Variants in OTULIN observed in about 807,000 individuals in gnomAD.
OTULIN encodes the protein ubiquitin thioesterase otulin.
In OTULIN, 15 loss-of-function variants were observed where a neutral mutation model predicts 39.6. The observed-to-expected ratio is 0.38, with a 90% confidence interval of 0.25 to 0.58. The LOEUF (loss-of-function observed/expected upper bound fraction) is 0.58, where lower values mean the gene tolerates loss of function less well. OTULIN is among the 20% of genes least tolerant of loss of function. OTULIN has a pLI of 0.66. For missense variants in OTULIN, 319 were observed against 445.9 expected, an observed-to-expected ratio of 0.72 and a Z score of 2.56; for synonymous variants, 156 against 170.3, an observed-to-expected ratio of 0.92 and a Z score of 0.65.
intron 2 of OTULIN, among the ~76,000 whole-genome samples, chr5:14,675,472 TGAAACTTGAA>T (rs1183665374): frequency 6.6e-6 from 1 of 152,240 alleles, no homozygotes; most frequent in Admixed American, 6.5e-5. Flanking sequence ...CAGTCTTCCA[TGAAACTTGAA>T]GAATGCTCTG....
At chr5:14,665,071 C>CT in intron 1 of OTULIN, 94 bp downstream of exon 1, 8 of 793,686 alleles carry the variant, frequency 1.0e-5, no homozygotes, top group Non-Finnish European at 1.1e-5. Flanking sequence ...AGCGGAGGGT[C>CT]CTGGGCGTCT....
the OTULIN span, among the ~76,000 whole-genome samples, chr5:14,711,905 A>T: frequency 1.3e-5 from 2 of 152,138 alleles, no homozygotes; most frequent in Non-Finnish European, 2.9e-5. Context: ...GCCATTATCG[A>T]CACACCAACA....
At chr5:14,716,075 C>T in the OTULIN span, among the ~76,000 whole-genome samples, 1 of 152,226 alleles carries the variant, frequency 6.6e-6, no homozygotes, top group Non-Finnish European at 1.5e-5. Flanking sequence ...TTGAGAATTT[C>T]AGTACATGAA....
At chr5:14,689,920 G>A in intron 5 of OTULIN, 119 bp from the exon 6 acceptor site, 4 of 996,998 alleles carry the variant, frequency 4.0e-6, no homozygotes, top group Non-Finnish European at 4.5e-6. Flanking sequence ...TGAATGTTGT[G>A]AGCATTGGTA....
downstream of OTULIN, among the ~76,000 whole-genome samples, chr5:14,704,500 A>G (rs371073476): frequency 5.9e-5 from 9 of 152,308 alleles, no homozygotes; most frequent in East Asian, 1.5e-3. Flanking sequence ...GAAGGTGTAT[A>G]GAGAAGTTGG....
chr5:14,706,493 A>C, the OTULIN span: 1 of 152,250 alleles, frequency 6.6e-6, no homozygotes, highest in Non-Finnish European at 1.5e-5. Context: ...CTTGAGAAGA[A>C]AATAAAGTCT....
intron 3 of OTULIN, among the ~76,000 whole-genome samples, chr5:14,679,566 A>G (rs1736192838): frequency 6.6e-6 from 1 of 152,212 alleles, no homozygotes; most frequent in Non-Finnish European, 1.5e-5. Flanking sequence ...TGCACTTCTT[A>G]TATATTAGAG....
In OTULIN at chr5:14,692,840, G is replaced by A; in HGVS notation, c.865-14G>A. ...GTGATCTTCCTCAGAATACCCGTTT[G>A]CTCTTCTTCCCAGGTTGAAATGTTC... On this transcript the variant is annotated splice_polypyrimidine_tract_variant and intron_variant, in intron 6 of 6. Coordinates refer to ENST00000284274, the MANE Select transcript of OTULIN (RefSeq NM_138348.6). 1.9e-6 allele frequency: 3 copies of A among 1,612,016 alleles called. No homozygotes were observed. Among genetic ancestry groups the A allele is most frequent in the Non-Finnish European group, 2.5e-6 (3 of 1,178,350 alleles).
chr5:14,687,422 T>C, intron 4 of OTULIN, 99 bp from the exon 5 acceptor site: 1 of 1,361,542 alleles, frequency 7.3e-7, no homozygotes, highest in African/African-American at 1.5e-5. Context: ...GAAACAAAGT[T>C]AGGTTTTATA....
intron 4 of OTULIN, among the ~76,000 whole-genome samples, chr5:14,684,099 A>G (rs567848239): frequency 6.6e-6 from 1 of 152,182 alleles, no homozygotes. Flanking sequence ...ATCAGCTATT[A>G]TATTTTTCTG....
At chr5:14,665,780 G>GA (rs990526676) in intron 1 of OTULIN, among the ~76,000 whole-genome samples, 6 of 151,020 alleles carry the variant, frequency 4.0e-5, no homozygotes, top group African/African-American at 9.7e-5. Flanking sequence ...TAGAACTTTT[G>GA]AAAAAAAAAT....
intron 1 of OTULIN, among the ~76,000 whole-genome samples, chr5:14,669,684 C>T (rs1735935067): frequency 6.6e-6 from 1 of 152,102 alleles, no homozygotes; most frequent in Non-Finnish European, 1.5e-5. Flanking sequence ...GATGGGAAGA[C>T]TGCTTGAGCC....
At chr5:14,705,881 C>G in the OTULIN span, 1 of 152,196 alleles carries the variant, frequency 6.6e-6, no homozygotes. Context: ...CATGGCCCCA[C>G]ACTTCAGGGA....
chr5:14,704,063 G>T (rs1736868044), downstream of OTULIN, among the ~76,000 whole-genome samples: 1 of 152,024 alleles, frequency 6.6e-6, no homozygotes, highest in African/African-American at 2.4e-5. Flanking sequence ...CGGGCGTGGT[G>T]GCTCACGCCT....
chr5:14,699,047 T>A lies in OTULIN; in HGVS notation c.*5999T>A, dbSNP rs1288421695. On this transcript the variant is annotated 3_prime_UTR_variant, in exon 7 of 7. Transcript: ENST00000284274. ...GGTGCTAGCACTTATTAGGGGAAGA[T>A]CCTCCAGACCTGCAAAGCAGGGCTG... is the stretch of plus-strand genomic sequence containing the variant. 2 of 152,138 alleles carry A rather than the reference T, an allele frequency of 1.3e-5. No homozygotes were observed. Among genetic ancestry groups the A allele is most frequent in the Non-Finnish European group, 2.9e-5 (2 of 68,036 alleles). The allele number at this position is 152,138 out of a possible 1,614,324, so 9.4% of individuals were successfully genotyped here.
the OTULIN span, chr5:14,710,361 A>G: frequency 6.6e-6 from 1 of 152,276 alleles, no homozygotes; most frequent in Admixed American, 6.5e-5. Flanking sequence ...GCAAGCCTTC[A>G]GGAAAAGTCA....
At chr5:14,670,570 A>G (rs1735954727) in intron 1 of OTULIN, among the ~76,000 whole-genome samples, 1 of 152,172 alleles carries the variant, frequency 6.6e-6, no homozygotes, top group South Asian at 2.1e-4. Context: ...GCTCAAACCT[A>G]AAACTTATTC....
chr5:14,680,801 G>A (rs1736229077), intron 3 of OTULIN, among the ~76,000 whole-genome samples: 1 of 152,248 alleles, frequency 6.6e-6, no homozygotes, highest in African/African-American at 2.4e-5. Context: ...GCTCACGCCT[G>A]TAATCCCTGC....
In OTULIN at chr5:14,687,590, A is replaced by G. The variant is rs746061545; in HGVS notation, c.538A>G (p.Lys180Glu). 6.2e-7 allele frequency: 1 copy of G among 1,614,150 alleles called. No homozygotes were observed. Among genetic ancestry groups the G allele is most frequent in the South Asian group, 1.1e-5 (1 of 91,078 alleles). ...GAAACTTGGACTGAAATTTGATGGG[A>G]AGAATGAGGACCTGGTTGATAAAAT... Reference protein sequence around the residue: ...QWKLGLKFDGKNEDLVDKIKE... With the variant: ...QWKLGLKFDGENEDLVDKIKE... Residue 180 changes from lysine to glutamate, a missense_variant, in exon 5 of 7, where the codon AAG becomes GAG. This residue lies in a region of OTULIN where 54 missense variants were observed against 50.7 expected (regional missense o/e 1.07). Transcript: ENST00000284274.
Sources: gnomAD v4.1 joint callset for allele counts (sites outside exome capture counted in the v4.1 genomes callset) on GRCh38, gnomAD v4.1.1 for gene constraint, gnomAD v4.1.1 regional missense constraint, MANE v1.5 for transcripts, NCBI Gene and HGNC (gene_info 2026-07-23, HGNC 2026-07-21) for gene names.